Variants in PITPNM3 observed in about 807,000 individuals in gnomAD.
PITPNM3 encodes membrane-associated phosphatidylinositol transfer protein 3.
PITPNM3 carries 26 observed loss-of-function variants against 102.0 expected under a neutral mutation model. That is an observed-to-expected ratio of 0.25 (90% CI 0.19 to 0.35). The LOEUF (loss-of-function observed/expected upper bound fraction) is 0.35. Among genes scored for constraint, PITPNM3 ranks in the 10% least tolerant of loss-of-function variants. The pLI is 1.00. For missense variants in PITPNM3, 1,083 were observed against 1,346.1 expected, an observed-to-expected ratio of 0.80 and a Z score of 3.06; for synonymous variants, 578 against 558.6, an observed-to-expected ratio of 1.03 and a Z score of -0.49.
intron 1 of PITPNM3, among the ~76,000 whole-genome samples, chr17:6,542,099 C>T (rs1490478753): frequency 6.6e-6 from 1 of 152,224 alleles, no homozygotes; most frequent in East Asian, 1.9e-4. Context: ...GAAATAGCAA[C>T]CCTTCTACCT....
intron 1 of PITPNM3, 147 bp from the exon 2 acceptor site, chr17:6,538,229 C>T (rs903999461): frequency 1.6e-5 from 11 of 689,484 alleles, no homozygotes; most frequent in African/African-American, 1.4e-4. Flanking sequence ...TCACAGAGCC[C>T]TCCCTCTCCT....
Position 6,537,917 on chromosome 17 carries a change from A to G in PITPNM3, c.118+70T>C, listed in dbSNP as rs1322826549. 3.0e-6 allele frequency: 4 copies of G among 1,334,490 alleles called. No individual in the cohort carries two copies. Among genetic ancestry groups the G allele is most frequent in the Non-Finnish European group, 4.3e-6 (4 of 935,766 alleles). The allele number at this position is 1,334,490 out of a possible 1,614,324, so 82.7% of individuals were successfully genotyped here. A position where few individuals can be genotyped will look rare whatever the true frequency, so the allele number is the denominator to read the frequency against. ...GAGTGGGGAGGGATGCGGACCCCCA[A>G]ATGGGATCTTCTTCTTGAGGCTTCT... On this transcript the variant is annotated intron_variant, in intron 2 of 19. Transcript: ENST00000262483. The surrounding 1 kb of genome is among the most constrained non-coding windows in gnomAD (Gnocchi z 4.4).
intron 1 of PITPNM3, among the ~76,000 whole-genome samples, chr17:6,546,929 C>G (rs1910050121): frequency 6.6e-6 from 1 of 152,154 alleles, no homozygotes; most frequent in Non-Finnish European, 1.5e-5. Context: ...ACTGCTTGAA[C>G]CCGGGAGGTG....
In PITPNM3 at chr17:6,556,258, C is replaced by A; in HGVS notation, c.22+127G>T. The A allele has an allele frequency of 1.4e-6, 1 of 713,004 alleles. No individual in the cohort carries two copies. The highest frequency in any genetic ancestry group is 2.0e-6 in the Non-Finnish European group (1 of 511,374). The allele number at this position is 713,004 out of a possible 1,614,324, so 44.2% of individuals were successfully genotyped here. A position where few individuals can be genotyped will look rare whatever the true frequency, so the allele number is the denominator to read the frequency against. On this transcript the variant is annotated intron_variant, in intron 1 of 19. Coordinates refer to ENST00000262483, the MANE Select transcript of PITPNM3 (RefSeq NM_031220.4). This position sits in a 1 kb window ranked among gnomAD's most constrained non-coding sequence, Gnocchi z 5.2. ...CGCGGGAGGTCCAGCCCCGCTACCGCCCCCTACGCCCTCCCGGGACCTCCG... is the reference window on the plus strand; with the variant it reads ...CGCGGGAGGTCCAGCCCCGCTACCGACCCCTACGCCCTCCCGGGACCTCCG...
At position 6,468,437 on chromosome 17, in the gene PITPNM3, C is replaced by T; in HGVS notation, c.1774-96G>A. ...CCCACCAGCTTGTGGCCAGCTGGGC[C>T]CTGCCCCTGCAACCCCCCAACCTCA... On this transcript the variant is annotated intron_variant, in intron 13 of 19. Transcript: ENST00000262483. This position sits in a 1 kb window ranked among gnomAD's most constrained non-coding sequence, Gnocchi z 5.2. The T allele has an allele frequency of 8.0e-7, 1 of 1,257,388 alleles. No homozygotes were observed. Among genetic ancestry groups the T allele is most frequent in the Non-Finnish European group, 1.2e-6 (1 of 861,670 alleles). 77.9% of individuals were successfully genotyped at this position (1,257,388 alleles called of 1,614,324 possible). A position where few individuals can be genotyped will look rare whatever the true frequency, so the allele number is the denominator to read the frequency against.
chr17:6,556,397 C>A lies in PITPNM3; in HGVS notation c.10G>T (p.Ala4Ser). The change falls in exon 1 of 20, where the codon GCG (alanine) becomes TCG (serine). Residue 4 changes from alanine (A) to serine (S), a missense_variant. Around this residue, in one of 5 missense-constraint regions of PITPNM3, gnomAD observed 290 missense variants for 337.8 expected, o/e 0.86. Coordinates refer to ENST00000262483, the MANE Select transcript of PITPNM3 (RefSeq NM_031220.4). This position sits in a 1 kb window ranked among gnomAD's most constrained non-coding sequence, Gnocchi z 5.2. MAKAGRAGGPPPGG... is the reference protein window; with the variant it reads MAKSGRAGGPPPGG... ...CGCCCGCCCTCACCTGCACGGCCCG[C>A]CTTGGCCATGTCCCGGGCGGCGGGC... 1 of 1,361,804 alleles carries A rather than the reference C, an allele frequency of 7.3e-7. No individual in the cohort carries two copies. The highest frequency in any genetic ancestry group is 1.7e-5 in the South Asian group (1 of 59,450). 84.4% of individuals were successfully genotyped at this position (1,361,804 alleles called of 1,614,324 possible).
At chr17:6,538,306 T>C (rs578037030) in intron 1 of PITPNM3, among the ~76,000 whole-genome samples, 4 of 150,478 alleles carry the variant, frequency 2.7e-5, no homozygotes, top group Non-Finnish European at 5.9e-5. Context: ...GTGTGCCCAT[T>C]TTCCATGTCC....
chr17:6,544,847 CCA>C (rs1555562250), intron 1 of PITPNM3, among the ~76,000 whole-genome samples: 3 of 95,076 alleles, frequency 3.2e-5, no homozygotes, highest in Non-Finnish European at 2.2e-5. Context: ...GCTCATGCAG[CCA>C]CACACACACA....
chr17:6,484,416 G>A, intron 4 of PITPNM3, 124 bp from the exon 5 acceptor site: 2 of 973,752 alleles, frequency 2.1e-6, no homozygotes, highest in African/African-American at 1.6e-5. Flanking sequence ...TCAAGTTAGA[G>A]TCTGGAGCTA....
chr17:6,493,364 C>G (rs1906611016), intron 4 of PITPNM3, among the ~76,000 whole-genome samples: 1 of 152,210 alleles, frequency 6.6e-6, no homozygotes, highest in African/African-American at 2.4e-5. Context: ...AGAGCAGCAG[C>G]TGCCTGCAAA....
rs1491410636 is a variant in PITPNM3 at position 6,467,079 on chromosome 17, ACC to A, written c.1890+1144_1890+1145del. On this transcript the variant is annotated intron_variant, in intron 14 of 19. Coordinates refer to ENST00000262483, the MANE Select transcript of PITPNM3 (RefSeq NM_031220.4). ...CTCCGTCTCAAAACAAAAAAAAAAA[ACC>A]AAAAAAAAAAAACAGGTGAAAACAA... Among the ~76,000 whole-genome samples, 30 of 68,490 alleles carry A rather than the reference ACC, an allele frequency of 4.4e-4. 1 individual carries two copies. The highest frequency in any genetic ancestry group is 6.4e-4 in the African/African-American group (10 of 15,566). 44.9% of individuals were successfully genotyped at this position (68,490 alleles called of 152,430 possible).
At position 6,470,167 on chromosome 17, in the gene PITPNM3, A is replaced by G. The variant is rs1456952162; in HGVS notation, c.1773+93T>C. 1 of 1,397,022 alleles carries G rather than the reference A, an allele frequency of 7.2e-7. No individual in the cohort carries two copies. Among genetic ancestry groups the G allele is most frequent in the Non-Finnish European group, 9.8e-7 (1 of 1,018,104 alleles). 86.5% of individuals were successfully genotyped at this position (1,397,022 alleles called of 1,614,324 possible). On this transcript the variant is annotated intron_variant, in intron 13 of 19. Coordinates refer to ENST00000262483, the MANE Select transcript of PITPNM3 (RefSeq NM_031220.4). The surrounding 1 kb of genome is among the most constrained non-coding windows in gnomAD (Gnocchi z 4.8). ...TTAGGATCAAGGCCAAAAGCTGAAC[A>G]GTGTCTGCAAGAATAGCCTCCTCTC...
At chr17:6,476,590 A>T (rs1209608024) in intron 9 of PITPNM3, among the ~76,000 whole-genome samples, 1 of 152,026 alleles carries the variant, frequency 6.6e-6, no homozygotes, top group Admixed American at 6.6e-5. Flanking sequence ...TGGCTGCATG[A>T]CCTCTAGAAA....
intron 10 of PITPNM3, among the ~76,000 whole-genome samples, chr17:6,473,838 G>A (rs12952309): frequency 0.17 from 25,115 of 151,918 alleles, 2,154 homozygotes; most frequent in Non-Finnish European, 0.18. Flanking sequence ...TTAGCTGGGC[G>A]TCATGGTGGG....
At chr17:6,480,952 T>C (rs1905632775) in intron 6 of PITPNM3, 2 of 152,292 alleles carry the variant, frequency 1.3e-5, no homozygotes. Flanking sequence ...GGGCCCACAG[T>C]GGGCAAGGAT....
At chr17:6,503,495 G>C in intron 4 of PITPNM3, 32 bp downstream of exon 4, 1 of 1,609,918 alleles carries the variant, frequency 6.2e-7, no homozygotes, top group Non-Finnish European at 8.5e-7. Context: ...CCAAGGGGAA[G>C]AAATGACCCC....
At position 6,457,500 on chromosome 17, in the gene PITPNM3, AAATGAATG is replaced by A; in HGVS notation, c.2619+86_2619+93del. The A allele has an allele frequency of 5.7e-6, 9 of 1,568,626 alleles. No individual in the cohort carries two copies. Among genetic ancestry groups the A allele is most frequent in the Non-Finnish European group, 7.0e-6 (8 of 1,148,624 alleles). On this transcript the variant is annotated intron_variant, in intron 19 of 19. Coordinates refer to ENST00000262483, the MANE Select transcript of PITPNM3 (RefSeq NM_031220.4). The surrounding 1 kb of genome is among the most constrained non-coding windows in gnomAD (Gnocchi z 4.7). ...TGAATGAGCAAATGGGGGAATGAAC[AAATGAATG>A]AATGAATGAATGAAGTGCTTACTCC... is the stretch of plus-strand genomic sequence containing the variant.
At chr17:6,456,996 T>C (rs1302655785) in intron 19 of PITPNM3, among the ~76,000 whole-genome samples, 1 of 152,106 alleles carries the variant, frequency 6.6e-6, no homozygotes, top group Non-Finnish European at 1.5e-5. Flanking sequence ...GCTTCCTGAA[T>C]CACACACCTG....
chr17:6,533,883 A>ACTTGTAT (rs1439192977), intron 2 of PITPNM3, among the ~76,000 whole-genome samples: 2 of 152,186 alleles, frequency 1.3e-5, no homozygotes, highest in Non-Finnish European at 2.9e-5. Context: ...CCAGAAGAGC[A>ACTTGTAT]CCTGGCACTT....
Sources: gnomAD v4.1 joint callset for allele counts (sites outside exome capture counted in the v4.1 genomes callset) on GRCh38, gnomAD v4.1.1 for gene constraint, gnomAD v4.1.1 regional missense constraint, Gnocchi (gnomAD v3.1) non-coding constraint, MANE v1.5 for transcripts, NCBI Gene and HGNC (gene_info 2026-07-23, HGNC 2026-07-21) for gene names.